Variants in SAMMSON observed in about 807,000 individuals in gnomAD.
The protein encoded by SAMMSON is survival associated mitochondrial melanoma specific oncogenic non-coding RNA.
intron 2 of SAMMSON, chr3:70,012,727 A>C (rs2107577519): frequency 6.6e-6 from 1 of 152,310 alleles, no homozygotes; most frequent in Admixed American, 6.5e-5. Flanking sequence ...TGACCCAGTG[A>C]AATCAGAAGA....
chr3:70,401,077 T>C (rs1483215924), intron 2 of SAMMSON, among the ~76,000 whole-genome samples: 1 of 152,228 alleles, frequency 6.6e-6, no homozygotes, highest in Non-Finnish European at 1.5e-5. Flanking sequence ...TACATACTGC[T>C]CTATTAGTCT....
intron 3 of SAMMSON, among the ~76,000 whole-genome samples, chr3:70,045,000 T>A: frequency 7.7e-6 from 1 of 129,836 alleles, no homozygotes; most frequent in Admixed American, 8.6e-5. Flanking sequence ...AATTATATAA[T>A]TAATTATATA....
At chr3:70,105,700 T>G (rs760789935) in intron 4 of SAMMSON, among the ~76,000 whole-genome samples, 44 of 152,188 alleles carry the variant, frequency 2.9e-4, no homozygotes, top group Non-Finnish European at 5.4e-4. Flanking sequence ...AAGCAAATTT[T>G]TAGCTATTTA....
intron 4 of SAMMSON, among the ~76,000 whole-genome samples, chr3:70,157,488 A>G (rs2067596588): frequency 6.6e-6 from 1 of 152,090 alleles, no homozygotes; most frequent in African/African-American, 2.4e-5. Context: ...AGAGTTTAGG[A>G]GAGAAAGGTC....
chr3:70,225,549 G>T (rs1230611784), intron 4 of SAMMSON, among the ~76,000 whole-genome samples: 2 of 152,190 alleles, frequency 1.3e-5, no homozygotes, highest in East Asian at 3.9e-4. Context: ...AAGAGTCAGT[G>T]TATACTGTTT....
intron 7 of SAMMSON, among the ~76,000 whole-genome samples, chr3:70,317,533 T>C (rs1048313453): frequency 2.0e-5 from 3 of 151,844 alleles, no homozygotes; most frequent in African/African-American, 7.2e-5. Flanking sequence ...TATTGTGATA[T>C]TCACTCTGTT....
chr3:70,267,359 G>A (rs539336937), intron 6 of SAMMSON, among the ~76,000 whole-genome samples: 3 of 145,090 alleles, frequency 2.1e-5, no homozygotes, highest in African/African-American at 7.6e-5. Flanking sequence ...CAGGATTATA[G>A]ACTCTACTCT....
At chr3:70,281,713 T>G (rs769733274) in intron 6 of SAMMSON, among the ~76,000 whole-genome samples, 2 of 152,202 alleles carry the variant, frequency 1.3e-5, no homozygotes, top group Non-Finnish European at 2.9e-5. Flanking sequence ...CCACCTCAAG[T>G]GAACTCCTTC....
At chr3:70,290,315 T>C (rs1702222000) in intron 6 of SAMMSON, among the ~76,000 whole-genome samples, 1 of 151,060 alleles carries the variant, frequency 6.6e-6, no homozygotes, top group African/African-American at 2.4e-5. Flanking sequence ...TGGAGTACCC[T>C]GCAGTGTAAG....
chr3:70,339,536 A>T (rs1323096704), intron 7 of SAMMSON, among the ~76,000 whole-genome samples: 6 of 152,122 alleles, frequency 3.9e-5, no homozygotes, highest in Non-Finnish European at 7.4e-5. Flanking sequence ...GAATCTACAA[A>T]GAACTTAAAC....
intron 6 of SAMMSON, among the ~76,000 whole-genome samples, chr3:70,256,762 A>C (rs1375386683): frequency 6.6e-6 from 1 of 152,184 alleles, no homozygotes; most frequent in Non-Finnish European, 1.5e-5. Context: ...GTCCCCTATT[A>C]ATCATTTACT....
At chr3:70,343,358 A>G (rs1559568260) in intron 7 of SAMMSON, among the ~76,000 whole-genome samples, 1 of 152,100 alleles carries the variant, frequency 6.6e-6, no homozygotes. Flanking sequence ...TACCTTTAGT[A>G]TTAATAATTA....
At chr3:70,430,816 T>C (rs1352513377) in intron 2 of SAMMSON, among the ~76,000 whole-genome samples, 1 of 152,152 alleles carries the variant, frequency 6.6e-6, no homozygotes, top group African/African-American at 2.4e-5. Context: ...TAGTTTAGCA[T>C]TTGTGCCTCA....
At chr3:70,157,729 C>T (rs949582753) in intron 4 of SAMMSON, among the ~76,000 whole-genome samples, 10 of 152,054 alleles carry the variant, frequency 6.6e-5, no homozygotes, top group South Asian at 4.1e-4. Context: ...ATTTACTCTA[C>T]GCCTAGCATT....
chr3:70,339,005 T>C (rs907139232), intron 7 of SAMMSON, among the ~76,000 whole-genome samples: 7 of 152,048 alleles, frequency 4.6e-5, no homozygotes, highest in Non-Finnish European at 4.4e-5. Context: ...CAAACTATAC[T>C]ACAAGGCTAC....
chr3:70,151,530 T>G (rs1461333474), intron 4 of SAMMSON, among the ~76,000 whole-genome samples: 1 of 152,024 alleles, frequency 6.6e-6, no homozygotes, highest in Non-Finnish European at 1.5e-5. Flanking sequence ...CCTCAGTCTC[T>G]AAGAACATCA....
chr3:70,163,183 A>G (rs1576140031), intron 4 of SAMMSON, among the ~76,000 whole-genome samples: 1 of 150,706 alleles, frequency 6.6e-6, no homozygotes, highest in Non-Finnish European at 1.5e-5. Context: ...TTATTTTGCT[A>G]TTTGTTTTCC....
chr3:70,100,144 C>T (rs2067338031), intron 4 of SAMMSON, among the ~76,000 whole-genome samples: 1 of 151,948 alleles, frequency 6.6e-6, no homozygotes, highest in African/African-American at 2.4e-5. Flanking sequence ...TGCATATTTT[C>T]ATACTCTTTT....
chr3:70,147,119 A>G (rs1455108953), intron 4 of SAMMSON, among the ~76,000 whole-genome samples: 1 of 152,052 alleles, frequency 6.6e-6, no homozygotes, highest in Non-Finnish European at 1.5e-5. Context: ...AAACATCCTT[A>G]AAAGCTATTT....
Sources: gnomAD v4.1 joint callset for allele counts (sites outside exome capture counted in the v4.1 genomes callset) on GRCh38, gnomAD v4.1.1 for gene constraint, MANE v1.5 for transcripts, NCBI Gene and HGNC (gene_info 2026-07-23, HGNC 2026-07-21) for gene names.